Variants in TNKS observed in about 807,000 individuals in gnomAD.
The protein encoded by TNKS is poly [ADP-ribose] polymerase tankyrase-1.
In TNKS, 72 loss-of-function variants were observed where a neutral mutation model predicts 135.8. The ratio of observed to expected loss-of-function variants is 0.53; its 90% CI spans 0.44 to 0.64. TNKS has a LOEUF of 0.64. Ranked by LOEUF, TNKS falls within the 30% of genes least tolerant of loss-of-function variation. The pLI, the probability that TNKS is intolerant of heterozygous loss-of-function variation, is 0.00. For missense variants in TNKS, 1,769 were observed against 1,674.0 expected (o/e 1.06, Z -0.99); for synonymous variants, 849 against 649.3 (o/e 1.31, Z -4.68).
At position 9,728,903 on chromosome 8, in the gene TNKS, G is replaced by C. The variant is rs556977722; in HGVS notation, c.2002-1987G>C. ...AAGCGCTTGTTTTTATCCTACCTGT[G>C]TGAAAGCTTCTTGTCTTAGTCTATT... On this transcript the variant is annotated intron_variant, in intron 13 of 26. Transcript: ENST00000310430. Among the ~76,000 whole-genome samples the C allele has an allele frequency of 5.3e-5, 8 of 152,212 alleles. No homozygotes were observed. In the South Asian group the frequency reaches 1.7e-3, roughly 32 times the overall value.
chr8:9,750,714 A>G (rs1014628687), intron 18 of TNKS, among the ~76,000 whole-genome samples: 4 of 152,070 alleles, frequency 2.6e-5, no homozygotes, highest in Non-Finnish European at 5.9e-5. Context: ...CTGCCCACTA[A>G]GCCACCCCCA....
intron 3 of TNKS, among the ~76,000 whole-genome samples, chr8:9,674,595 C>G (rs1032524008): frequency 6.6e-6 from 1 of 152,140 alleles, no homozygotes; most frequent in Non-Finnish European, 1.5e-5. Flanking sequence ...TAGCTAGTTA[C>G]CTGTGCCTAC....
intron 5 of TNKS, among the ~76,000 whole-genome samples, chr8:9,701,866 G>C (rs1002051084): frequency 6.6e-6 from 1 of 152,146 alleles, no homozygotes; most frequent in Non-Finnish European, 1.5e-5. Flanking sequence ...CCCTTACAGT[G>C]TTCAGATAAG....
chr8:9,756,339 A>C (rs1413073489), intron 20 of TNKS, among the ~76,000 whole-genome samples: 1 of 152,086 alleles, frequency 6.6e-6, no homozygotes, highest in Non-Finnish European at 1.5e-5. Flanking sequence ...CTCCCCACCC[A>C]AAGTAAAATG....
intron 14 of TNKS, among the ~76,000 whole-genome samples, chr8:9,731,665 G>A (rs1805449387): frequency 6.6e-6 from 1 of 151,984 alleles, no homozygotes; most frequent in Non-Finnish European, 1.5e-5. Context: ...TTCCTATATG[G>A]TCTGCTTTGC....
chr8:9,599,930 C>T (rs11997025), intron 2 of TNKS, among the ~76,000 whole-genome samples: 1,834 of 152,236 alleles, frequency 0.012, 36 homozygotes, highest in African/African-American at 0.04. Context: ...GCATTTAACT[C>T]ATTAAGTCAT....
chr8:9,766,167 C>G (rs1254473590), intron 24 of TNKS, 72 bp from the exon 25 acceptor site: 4 of 1,299,882 alleles, frequency 3.1e-6, no homozygotes, highest in Non-Finnish European at 4.3e-6. Context: ...CTGCCCGATG[C>G]AAATAGTGTG....
chr8:9,728,164 T>C (rs1193495409), intron 13 of TNKS, among the ~76,000 whole-genome samples: 1 of 152,150 alleles, frequency 6.6e-6, no homozygotes, highest in Non-Finnish European at 1.5e-5. Context: ...CCATTCACAG[T>C]GAAGGCCTAA....
intron 3 of TNKS, among the ~76,000 whole-genome samples, chr8:9,646,039 G>C (rs1040707179): frequency 3.9e-5 from 6 of 152,070 alleles, no homozygotes; most frequent in Admixed American, 2.0e-4. Context: ...TTCTAGACTA[G>C]TAGTATATTA....
At chr8:9,749,996 C>G (rs921382923) in intron 18 of TNKS, among the ~76,000 whole-genome samples, 10 of 152,168 alleles carry the variant, frequency 6.6e-5, no homozygotes, top group Admixed American at 6.5e-4. Context: ...AAATTACACA[C>G]CACTCCATCA....
chr8:9,743,867 T>C (rs181048960), intron 17 of TNKS, among the ~76,000 whole-genome samples: 82 of 152,368 alleles, frequency 5.4e-4, no homozygotes, highest in Non-Finnish European at 8.7e-4. Flanking sequence ...ATAATCTATA[T>C]ATTTGACTGG....
rs568771914 is a variant in TNKS at position 9,659,253 on chromosome 8, A to G, written c.995-20698A>G. Among the ~76,000 whole-genome samples, 28 of 152,232 alleles carry G rather than the reference A, an allele frequency of 1.8e-4. No homozygotes were observed. The South Asian group carries it at 5.8e-3, about 32-fold the overall frequency. On this transcript the variant is annotated intron_variant, in intron 3 of 26. Transcript: ENST00000310430. ...AGTGGACCTAATAGACATCTACAGAACTCTCCACCCCAAATCAACAGAATA... is the reference window on the plus strand; with the variant it reads ...AGTGGACCTAATAGACATCTACAGAGCTCTCCACCCCAAATCAACAGAATA...
chr8:9,697,824 T>C (rs900366005), intron 5 of TNKS, among the ~76,000 whole-genome samples: 2 of 152,126 alleles, frequency 1.3e-5, no homozygotes, highest in African/African-American at 4.8e-5. Flanking sequence ...GCAATGCTTA[T>C]ACACTGTGGA....
At chr8:9,698,564 G>A (rs1047794704) in intron 5 of TNKS, among the ~76,000 whole-genome samples, 2 of 152,002 alleles carry the variant, frequency 1.3e-5, no homozygotes, top group African/African-American at 4.8e-5. Flanking sequence ...TTGGAAGCCC[G>A]GACGCAGAGA....
intron 3 of TNKS, among the ~76,000 whole-genome samples, chr8:9,659,932 A>G (rs1034318106): frequency 6.6e-6 from 1 of 152,238 alleles, no homozygotes; most frequent in Non-Finnish European, 1.5e-5. Context: ...AGAAATACAA[A>G]TTACTATCAG....
At chr8:9,659,381 C>G (rs988307540) in intron 3 of TNKS, among the ~76,000 whole-genome samples, 2 of 152,170 alleles carry the variant, frequency 1.3e-5, no homozygotes, top group African/African-American at 4.8e-5. Flanking sequence ...TTATAACAAA[C>G]TGTCTCTCAG....
chr8:9,655,200 C>T (rs1471010596), intron 3 of TNKS, among the ~76,000 whole-genome samples: 8 of 152,196 alleles, frequency 5.3e-5, no homozygotes, highest in South Asian at 2.1e-4. Flanking sequence ...GGGGGAGGGG[C>T]GCCCACCATT....
At chr8:9,600,204 A>G (rs73537929) in intron 2 of TNKS, among the ~76,000 whole-genome samples, 2,042 of 152,336 alleles carry the variant, frequency 0.013, 25 homozygotes, top group African/African-American at 0.032. Flanking sequence ...GTTTGGCCCC[A>G]GAAGCCAGCC....
In TNKS at chr8:9,583,482, C is replaced by T. The variant is rs192464455; in HGVS notation, c.898+3099C>T. Among the ~76,000 whole-genome samples the T allele has an allele frequency of 9.9e-5, 15 of 152,064 alleles. No homozygotes were observed. In the East Asian group the frequency reaches 2.5e-3, roughly 26 times the overall value. On this transcript the variant is annotated intron_variant, in intron 2 of 26. Coordinates refer to ENST00000310430, the MANE Select transcript of TNKS (RefSeq NM_003747.3). ...ACTAAATAGCTTTTCTGAATATATGCTATATGATTTTTTTTTTCCTTTTTT... is the reference window on the plus strand; with the variant it reads ...ACTAAATAGCTTTTCTGAATATATGTTATATGATTTTTTTTTTCCTTTTTT...
Sources: allele counts gnomAD v4.1 joint callset (sites outside exome capture counted in the v4.1 genomes callset), GRCh38; gene constraint gnomAD v4.1.1; transcripts MANE v1.5; gene names NCBI Gene and HGNC (gene_info 2026-07-23, HGNC 2026-07-21).